SPG11: variants seen among roughly 807,000 people sequenced by gnomAD.
SPG11 encodes spatacsin.
SPG11 carries 222 observed loss-of-function variants against 274.0 expected under a neutral mutation model. That is an observed-to-expected ratio of 0.81 (90% CI 0.73 to 0.91). The LOEUF is 0.91. SPG11 is among the 40% of genes least tolerant of loss of function. The pLI is 0.00. For missense variants in SPG11, 3,114 were observed against 2,872.7 expected, an observed-to-expected ratio of 1.08 and a Z score of -1.92; for synonymous variants, 1,144 against 1,039.7, an observed-to-expected ratio of 1.10 and a Z score of -1.93.
intron 32 of SPG11, chr15:44,573,267 G>A (rs2082461987): frequency 3.4e-6 from 2 of 586,648 alleles, no homozygotes; most frequent in East Asian, 2.9e-5. Flanking sequence ...TTACAGGCGT[G>A]AGCCACCGCG....
At chr15:44,616,800 T>C (rs1366250095) in intron 15 of SPG11, among the ~76,000 whole-genome samples, 1 of 152,232 alleles carries the variant, frequency 6.6e-6, no homozygotes, top group Admixed American at 6.5e-5. Context: ...GCAAACTCCC[T>C]TAACTTTACA....
chr15:44,626,962 A>G (rs1358451935), intron 10 of SPG11, among the ~76,000 whole-genome samples: 1 of 152,210 alleles, frequency 6.6e-6, no homozygotes, highest in African/African-American at 2.4e-5. Flanking sequence ...AGGGACAAAG[A>G]AAAGAAACTG....
At chr15:44,603,668 T>C (rs1407371223) in intron 20 of SPG11, among the ~76,000 whole-genome samples, 1 of 152,228 alleles carries the variant, frequency 6.6e-6, no homozygotes, top group African/African-American at 2.4e-5. Context: ...CATGGGGGAT[T>C]GGTTCCTGAA....
chr15:44,596,262 C>A lies in SPG11; in HGVS notation c.4255G>T (p.Asp1419Tyr). The change falls in exon 25 of 40, where the codon GAC becomes TAC. Residue 1419 changes from aspartate to tyrosine, a missense_variant. Transcript: ENST00000261866. ...CACTTATTGCAGACTTGATCGCTGT[C>A]CATTTTGGAGGTGGGCACTGAGGGC... is the stretch of plus-strand genomic sequence containing the variant. The part of the protein sequence containing the change: ...NLPSVPTSKM[D>Y]SDQVCNKCPQ... 1 of 1,614,098 alleles carries A rather than the reference C, an allele frequency of 6.2e-7. No individual in the cohort carries two copies. Among genetic ancestry groups the A allele is most frequent in the Non-Finnish European group, 8.5e-7 (1 of 1,179,998 alleles).
intron 33 of SPG11, chr15:44,572,323 C>T: frequency 3.1e-6 from 1 of 318,304 alleles, no homozygotes; most frequent in Non-Finnish European, 6.1e-6. Context: ...GCTTTGAATC[C>T]ATGGACTGGG....
intron 36 of SPG11, 64 bp from the exon 37 acceptor site, chr15:44,566,369 T>A: frequency 6.7e-7 from 1 of 1,488,374 alleles, no homozygotes; most frequent in Admixed American, 1.8e-5. Flanking sequence ...CTCATCCCAC[T>A]CATTGTGATC....
intron 14 of SPG11, chr15:44,621,141 A>G (rs917794602): frequency 6.5e-6 from 1 of 153,260 alleles, no homozygotes; most frequent in African/African-American, 2.4e-5. Context: ...GCCTGGCCAC[A>G]TTGTTCATTT....
At position 44,583,985 on chromosome 15, in the gene SPG11, G is replaced by T; in HGVS notation, c.5695C>A (p.Arg1899=). Residue 1899 remains arginine (R), a synonymous_variant, in exon 30 of 40, where the codon CGG becomes AGG. Coordinates refer to ENST00000261866, the MANE Select transcript of SPG11 (RefSeq NM_025137.4). ...TCTGGATTATAAAAATGAAAATACC[G>T]GCATACTCTACTTGCTTCATGCACA... is the stretch of plus-strand genomic sequence containing the variant. ...GCVHEASRVC[R]YFHFYNPDVA... 6.2e-7 allele frequency: 1 copy of T among 1,614,110 alleles called. No homozygotes were observed. The highest frequency in any genetic ancestry group is 8.5e-7 in the Non-Finnish European group (1 of 1,180,022).
At chr15:44,586,508 G>A (rs1294152722) in intron 28 of SPG11, among the ~76,000 whole-genome samples, 2 of 152,040 alleles carry the variant, frequency 1.3e-5, no homozygotes, top group Non-Finnish European at 2.9e-5. Context: ...CAGGCGTGTG[G>A]TGGCACACGC....
chr15:44,660,727 T>C, intron 1 of SPG11, 111 bp from the exon 2 acceptor site: 1 of 967,852 alleles, frequency 1.0e-6, no homozygotes, highest in Non-Finnish European at 1.6e-6. Context: ...TGACCTGGTA[T>C]AGTCATTCTA....
chr15:44,646,848 G>A (rs1284084960), intron 7 of SPG11, among the ~76,000 whole-genome samples: 1 of 152,160 alleles, frequency 6.6e-6, no homozygotes, highest in Non-Finnish European at 1.5e-5. Context: ...GGAGGAAGGT[G>A]AGGATTGAAA....
At chr15:44,661,515 A>G (rs2085105528) in intron 1 of SPG11, among the ~76,000 whole-genome samples, 1 of 152,066 alleles carries the variant, frequency 6.6e-6, no homozygotes, top group Admixed American at 6.6e-5. Context: ...TTCAATTAGT[A>G]ATAAAACTAA....
Position 44,622,712 on chromosome 15 carries a change from T to C in SPG11, c.2316+16A>G. ...TTTCTAGAAAATGTATACTATGTAG[T>C]CTCACCTTTACCTACCAAAAAGTCA... On this transcript the variant is annotated intron_variant, in intron 12 of 39. Coordinates refer to ENST00000261866, the MANE Select transcript of SPG11 (RefSeq NM_025137.4). The C allele has an allele frequency of 6.3e-7, 1 of 1,588,440 alleles. No homozygotes were observed. Among genetic ancestry groups the C allele is most frequent in the Non-Finnish European group, 8.6e-7 (1 of 1,156,790 alleles).
intron 12 of SPG11, 126 bp from the exon 13 acceptor site, chr15:44,622,473 A>T: frequency 1.2e-6 from 1 of 839,120 alleles, no homozygotes; most frequent in East Asian, 2.6e-5. Flanking sequence ...TCATGAGATA[A>T]TATGCCATTC....
intron 38 of SPG11, 65 bp from the exon 39 acceptor site, chr15:44,564,763 G>T: frequency 6.4e-7 from 1 of 1,563,902 alleles, no homozygotes; most frequent in Non-Finnish European, 8.8e-7. Flanking sequence ...AAAACAAACT[G>T]TTGTAGAAAA....
At position 44,562,885 on chromosome 15, in the gene SPG11, TAATAC is replaced by T. The variant is rs1359227770; in HGVS notation, c.*231_*235del. 2.0e-6 allele frequency: 1 copy of T among 504,378 alleles called. No homozygotes were observed. Among genetic ancestry groups the T allele is most frequent in the African/African-American group, 1.9e-5 (1 of 51,994 alleles). The allele number at this position is 504,378 out of a possible 1,614,324, so 31.2% of individuals were successfully genotyped here. ...CTGAGGAAGAGGAAGCTTTTGATCT[TAATAC>T]TAGTATCTATATAAAATGGTGTGGA... On this transcript the variant is annotated 3_prime_UTR_variant, in exon 40 of 40. Transcript: ENST00000261866.
intron 7 of SPG11, among the ~76,000 whole-genome samples, chr15:44,640,647 G>C (rs1003400493): frequency 6.6e-6 from 1 of 152,196 alleles, no homozygotes; most frequent in Non-Finnish European, 1.5e-5. Context: ...ACAGAATAGA[G>C]AGGTCAAAAA....
At chr15:44,606,723 T>C (rs1486987879) in intron 19 of SPG11, among the ~76,000 whole-genome samples, 1 of 152,170 alleles carries the variant, frequency 6.6e-6, no homozygotes, top group Non-Finnish European at 1.5e-5. Flanking sequence ...AGGATTTGGA[T>C]GGCCCAAAAT....
chr15:44,651,643 A>G lies in SPG11; in HGVS notation c.1304T>C (p.Phe435Ser). 6.2e-7 allele frequency: 1 copy of G among 1,614,250 alleles called. No individual in the cohort carries two copies. The highest frequency in any genetic ancestry group is 8.5e-7 in the Non-Finnish European group (1 of 1,180,044). ...CACTTCCCAAGTAAACAGTGCAGTG[A>G]ATCCTGTCACAGACACACATTTAAG... ...IELKCVSVTG[F>S]TALFTWEVER... Residue 435 changes from phenylalanine (F) to serine (S), a missense_variant, in exon 6 of 40, where the codon TTC becomes TCC. Transcript: ENST00000261866.
Sources: allele counts gnomAD v4.1 joint callset (sites outside exome capture counted in the v4.1 genomes callset), GRCh38; gene constraint gnomAD v4.1.1; transcripts MANE v1.5; gene names NCBI Gene and HGNC (gene_info 2026-07-23, HGNC 2026-07-21).